Variants in NUP210L observed in about 807,000 individuals in gnomAD.
The protein encoded by NUP210L is nucleoporin 210 like.
In NUP210L, 74 loss-of-function variants were observed where a neutral mutation model predicts 208.5. The ratio of observed to expected loss-of-function variants is 0.35; its 90% CI spans 0.29 to 0.43. NUP210L has a LOEUF of 0.43. Ranked by LOEUF, NUP210L falls within the 20% of genes least tolerant of loss-of-function variation. NUP210L has a pLI of 1.00. For synonymous variants in NUP210L, 780 were observed against 816.9 expected, an observed-to-expected ratio of 0.95 and a Z score of 0.77; for missense variants, 1,843 against 2,289.4, an observed-to-expected ratio of 0.81 and a Z score of 3.98.
chr1:154,148,056 G>A (rs574199594), intron 2 of NUP210L, among the ~76,000 whole-genome samples: 2 of 149,318 alleles, frequency 1.3e-5, no homozygotes, highest in African/African-American at 4.9e-5. Flanking sequence ...TCAGGAGTTC[G>A]AGACCAGCCC....
chr1:154,126,298 C>A, intron 10 of NUP210L, 25 bp downstream of exon 10: 1 of 1,599,176 alleles, frequency 6.3e-7, no homozygotes, highest in Admixed American at 1.7e-5. Flanking sequence ...TCTTAGAATA[C>A]AAACACTGTC....
intron 37 of NUP210L, among the ~76,000 whole-genome samples, chr1:153,999,073 C>T (rs1650059597): frequency 1.3e-5 from 2 of 152,024 alleles, no homozygotes; most frequent in Admixed American, 6.6e-5. Flanking sequence ...GAGAATTAAA[C>T]CAAAAGCATA....
intron 23 of NUP210L, among the ~76,000 whole-genome samples, chr1:154,056,265 C>G (rs1421787223): frequency 6.6e-6 from 1 of 152,186 alleles, no homozygotes; most frequent in Non-Finnish European, 1.5e-5. Context: ...AGTGACACTC[C>G]TGTTTCAGTC....
At chr1:154,078,099 G>A (rs965404352) in intron 16 of NUP210L, among the ~76,000 whole-genome samples, 6 of 151,094 alleles carry the variant, frequency 4.0e-5, no homozygotes, top group African/African-American at 1.2e-4. Context: ...GAGCCCAGGA[G>A]TTCAAGACCA....
At chr1:154,070,905 A>C (rs1368382437) in intron 16 of NUP210L, among the ~76,000 whole-genome samples, 1 of 152,154 alleles carries the variant, frequency 6.6e-6, no homozygotes, top group African/African-American at 2.4e-5. Context: ...TGTCGCCCCA[A>C]AATATTTTTA....
chr1:154,069,026 G>T (rs1219371641), intron 17 of NUP210L, among the ~76,000 whole-genome samples: 6 of 151,758 alleles, frequency 4.0e-5, no homozygotes, highest in African/African-American at 2.4e-5. Context: ...CCTTCCTTAC[G>T]CCTTATACAA....
chr1:154,031,860 T>C (rs1237800828), intron 27 of NUP210L, among the ~76,000 whole-genome samples: 1 of 151,928 alleles, frequency 6.6e-6, no homozygotes, highest in Non-Finnish European at 1.5e-5. Context: ...TAGCAGGGAC[T>C]ACAGGCATGC....
chr1:154,020,792 TG>T (rs1557919039), intron 32 of NUP210L, among the ~76,000 whole-genome samples: 1 of 151,986 alleles, frequency 6.6e-6, no homozygotes, highest in Non-Finnish European at 1.5e-5. Flanking sequence ...CCCAAAGTGC[TG>T]GGGTTACAGG....
chr1:154,128,204 G>C (rs1336118876), intron 8 of NUP210L, among the ~76,000 whole-genome samples: 1 of 152,142 alleles, frequency 6.6e-6, no homozygotes, highest in African/African-American at 2.4e-5. Flanking sequence ...AATTGTATAA[G>C]GCTTGGCCTG....
intron 34 of NUP210L, among the ~76,000 whole-genome samples, chr1:154,010,664 A>G (rs911910333): frequency 1.3e-5 from 2 of 152,076 alleles, no homozygotes; most frequent in Non-Finnish European, 2.9e-5. Flanking sequence ...TGAGGTTGGG[A>G]GTTCGAGACC....
chr1:154,031,489 T>C (rs1287472521), intron 27 of NUP210L, among the ~76,000 whole-genome samples: 1 of 152,284 alleles, frequency 6.6e-6, no homozygotes, highest in African/African-American at 2.4e-5. Flanking sequence ...AATCTAACTA[T>C]ATTTTTGTAC....
Position 154,043,505 on chromosome 1 carries a change from G to A in NUP210L, c.3696+2564C>T, listed in dbSNP as rs1391164727. On this transcript the variant is annotated intron_variant, in intron 27 of 39. Coordinates refer to ENST00000368559, the Ensembl canonical transcript of NUP210L. ...AATTTTGTATTTTTAGTAGAGATGGGGTTTCTTCATGTTGGTCAGGCTGGT... is the reference window on the plus strand; with the variant it reads ...AATTTTGTATTTTTAGTAGAGATGGAGTTTCTTCATGTTGGTCAGGCTGGT... Among the ~76,000 whole-genome samples, 3 of 151,740 alleles carry A rather than the reference G, an allele frequency of 2.0e-5. 1 individual carries two copies. Among genetic ancestry groups the A allele is most frequent in the South Asian group, 4.2e-4 (2 of 4,790 alleles).
At chr1:154,152,477 A>T (rs887962951) in intron 2 of NUP210L, among the ~76,000 whole-genome samples, 5 of 139,362 alleles carry the variant, frequency 3.6e-5, no homozygotes, top group Non-Finnish European at 7.7e-5. Context: ...CCCAGCCATA[A>T]TTTTTTTTTT....
chr1:154,017,706 G>A lies in NUP210L; in HGVS notation c.4653+1227C>T, dbSNP rs565631327. On this transcript the variant is annotated intron_variant, in intron 33 of 39. Transcript: ENST00000368559. ...TAATTTTTGTATTTTTAGTAGAGACGGGGTTTCACCATGTTGGTCAGGCTG... is the reference window on the plus strand; with the variant it reads ...TAATTTTTGTATTTTTAGTAGAGACAGGGTTTCACCATGTTGGTCAGGCTG... Among the ~76,000 whole-genome samples the A allele has an allele frequency of 4.3e-3, 647 of 151,648 alleles. 3 individuals carry two copies. The highest frequency in any genetic ancestry group is 5.1e-3 in the Non-Finnish European group (343 of 67,872).
intron 5 of NUP210L, among the ~76,000 whole-genome samples, chr1:154,138,941 C>A (rs1424347154): frequency 2.0e-5 from 3 of 152,118 alleles, no homozygotes; most frequent in Non-Finnish European, 2.9e-5. Context: ...AATTTTTGCA[C>A]ACAAATTCTT....
chr1:154,090,406 GA>G (rs1332701736), intron 15 of NUP210L, among the ~76,000 whole-genome samples: 3 of 152,132 alleles, frequency 2.0e-5, no homozygotes, highest in African/African-American at 4.8e-5. Context: ...AATCAGACCT[GA>G]AATTACTAAA....
intron 6 of NUP210L, among the ~76,000 whole-genome samples, chr1:154,137,902 G>A (rs572024872): frequency 1.3e-5 from 2 of 152,220 alleles, no homozygotes; most frequent in South Asian, 2.1e-4. Context: ...TATTGGCACC[G>A]AAGCTAAGCA....
At chr1:154,135,535 C>A (rs933509389) in intron 7 of NUP210L, among the ~76,000 whole-genome samples, 1 of 151,956 alleles carries the variant, frequency 6.6e-6, no homozygotes, top group Non-Finnish European at 1.5e-5. Context: ...CATTCTCCTG[C>A]CTCAGCCTCC....
At chr1:154,026,741 A>G (rs370387055) in intron 29 of NUP210L, among the ~76,000 whole-genome samples, 58 of 152,298 alleles carry the variant, frequency 3.8e-4, no homozygotes, top group African/African-American at 1.4e-3. Context: ...AAGTACTGAT[A>G]CATGCTACAA....
Sources: gnomAD v4.1 joint callset for allele counts (sites outside exome capture counted in the v4.1 genomes callset) on GRCh38, gnomAD v4.1.1 for gene constraint, MANE v1.5 for transcripts, NCBI Gene and HGNC (gene_info 2026-07-23, HGNC 2026-07-21) for gene names.